PTPRN2: variants seen among roughly 807,000 people sequenced by gnomAD.
PTPRN2 encodes protein tyrosine phosphatase receptor type N2.
A neutral mutation model predicts 118.8 loss-of-function variants in PTPRN2; 74 were observed. The ratio of observed to expected loss-of-function variants is 0.62; its 90% CI spans 0.52 to 0.76. The LOEUF (loss-of-function observed/expected upper bound fraction) is 0.76. PTPRN2 is among the 30% of genes least tolerant of loss of function. The pLI is 0.00. For missense variants in PTPRN2, 1,481 were observed against 1,394.4 expected, an observed-to-expected ratio of 1.06 and a Z score of -0.99; for synonymous variants, 641 against 608.0, an observed-to-expected ratio of 1.05 and a Z score of -0.80.
chr7:157,815,079 C>A (rs1022737773), intron 12 of PTPRN2, among the ~76,000 whole-genome samples: 2 of 152,212 alleles, frequency 1.3e-5, no homozygotes, highest in Non-Finnish European at 2.9e-5. Flanking sequence ...GGGAGCAGCG[C>A]GGGAGGCAGT....
At chr7:158,193,178 G>A (rs1478680673) in intron 4 of PTPRN2, among the ~76,000 whole-genome samples, 1 of 152,214 alleles carries the variant, frequency 6.6e-6, no homozygotes, top group African/African-American at 2.4e-5. Context: ...AGACACATGT[G>A]GTGCCCACCC....
chr7:158,169,939 G>C (rs544142159), intron 5 of PTPRN2, among the ~76,000 whole-genome samples: 6 of 152,216 alleles, frequency 3.9e-5, no homozygotes, highest in African/African-American at 1.4e-4. Flanking sequence ...TGATGGGCCT[G>C]CCTTAGCCTC....
rs972150662 is a variant in PTPRN2 at position 157,974,721 on chromosome 7, C to T, written c.1724-75984G>A. On this transcript the variant is annotated intron_variant, in intron 11 of 22. Coordinates refer to ENST00000389418, the MANE Select transcript of PTPRN2 (RefSeq NM_002847.5). This position sits in a 1 kb window ranked among gnomAD's most constrained non-coding sequence, Gnocchi z 4.0. ...CCATGGGAAGACACAGGTAGCGGGT[C>T]AGGTGCTGGGGAGGTGTTGCTGGGC... Among the ~76,000 whole-genome samples the T allele has an allele frequency of 1.3e-5, 2 of 151,736 alleles. No homozygotes were observed. The highest frequency in any genetic ancestry group is 2.9e-5 in the Non-Finnish European group (2 of 67,948).
chr7:157,856,619 G>T (rs886115746), intron 12 of PTPRN2, among the ~76,000 whole-genome samples: 2 of 152,142 alleles, frequency 1.3e-5, no homozygotes, highest in Non-Finnish European at 2.9e-5. Context: ...TAGTGCAAAG[G>T]TCTCATTTTT....
intron 1 of PTPRN2, among the ~76,000 whole-genome samples, chr7:158,538,549 C>T (rs1825785441): frequency 6.6e-6 from 1 of 152,154 alleles, no homozygotes; most frequent in South Asian, 2.1e-4. Context: ...CCAGCCGTCA[C>T]ACATGGCGTC....
In PTPRN2 at chr7:158,511,692, C is replaced by T. The variant is rs570672396; in HGVS notation, c.113-21907G>A. On this transcript the variant is annotated intron_variant, in intron 1 of 22. Coordinates refer to ENST00000389418, the MANE Select transcript of PTPRN2 (RefSeq NM_002847.5). ...GGCTAAGCGTCATGTCCCCGCACAC[C>T]CCTGGGCACCAGTGCAAGACACGGT... 4.7e-4 allele frequency among the ~76,000 whole-genome samples: 71 copies of T among 152,344 alleles called. 2 individuals are homozygous for T. The South Asian group carries it at 0.014, about 30-fold the overall frequency.
intron 11 of PTPRN2, among the ~76,000 whole-genome samples, chr7:157,981,878 C>T (rs529203526): frequency 8.5e-5 from 13 of 152,404 alleles, no homozygotes; most frequent in East Asian, 3.8e-4. Context: ...GCAGCCCTTA[C>T]GCCAGGTGCC....
chr7:157,772,224 G>C (rs1802893856), intron 12 of PTPRN2, among the ~76,000 whole-genome samples: 1 of 146,668 alleles, frequency 6.8e-6, no homozygotes, highest in Non-Finnish European at 1.5e-5. Context: ...CATAGACACA[G>C]ACACACACAC....
At chr7:157,695,729 T>G (rs914007408) in intron 12 of PTPRN2, among the ~76,000 whole-genome samples, 1 of 152,230 alleles carries the variant, frequency 6.6e-6, no homozygotes, top group African/African-American at 2.4e-5. Flanking sequence ...AGGACAATAT[T>G]TGGAAGAGCA....
chr7:158,147,882 C>A (rs71267150), intron 6 of PTPRN2, among the ~76,000 whole-genome samples: 3 of 131,198 alleles, frequency 2.3e-5, no homozygotes, highest in South Asian at 2.7e-4. Flanking sequence ...CCCCATCTCA[C>A]GCCACGTGTC....
At chr7:157,832,174 C>T (rs1457708046) in intron 12 of PTPRN2, among the ~76,000 whole-genome samples, 1 of 152,242 alleles carries the variant, frequency 6.6e-6, no homozygotes, top group Non-Finnish European at 1.5e-5. Context: ...AGGACTCGAG[C>T]TCTGTGTTAA....
At chr7:157,795,162 G>A (rs1328579678) in intron 12 of PTPRN2, among the ~76,000 whole-genome samples, 3 of 143,980 alleles carry the variant, frequency 2.1e-5, no homozygotes, top group Non-Finnish European at 4.5e-5. Flanking sequence ...CGGCGGGGTC[G>A]GGGGCGGGGG....
At chr7:158,098,471 A>C (rs1182400281) in intron 10 of PTPRN2, among the ~76,000 whole-genome samples, 5 of 152,218 alleles carry the variant, frequency 3.3e-5, no homozygotes, top group Non-Finnish European at 7.4e-5. Flanking sequence ...GGCAAAGCCC[A>C]GCCCTGCTCC....
At chr7:158,157,037 C>A (rs1346126818) in intron 6 of PTPRN2, among the ~76,000 whole-genome samples, 5 of 151,500 alleles carry the variant, frequency 3.3e-5, no homozygotes, top group Non-Finnish European at 7.4e-5. Context: ...AAGGCCTACC[C>A]ATTGTGCTTA....
chr7:157,873,665 T>C (rs58971481), intron 12 of PTPRN2, among the ~76,000 whole-genome samples: 28 of 113,542 alleles, frequency 2.5e-4, no homozygotes, highest in African/African-American at 4.5e-4. Flanking sequence ...GAGAACGTAC[T>C]GTCCTCAAGG....
At chr7:157,680,611 C>T (rs1406592489) in intron 13 of PTPRN2, among the ~76,000 whole-genome samples, 1 of 152,208 alleles carries the variant, frequency 6.6e-6, no homozygotes, top group Admixed American at 6.5e-5. Flanking sequence ...AAACACAAAT[C>T]ACAACAACAC....
chr7:158,439,012 T>C (rs1816779475), intron 2 of PTPRN2, among the ~76,000 whole-genome samples: 1 of 152,194 alleles, frequency 6.6e-6, no homozygotes, highest in Non-Finnish European at 1.5e-5. Context: ...AAAATGCAGA[T>C]TCACTGAGCC....
chr7:157,890,598 C>T (rs1404138349), intron 12 of PTPRN2, among the ~76,000 whole-genome samples: 6 of 152,168 alleles, frequency 3.9e-5, no homozygotes, highest in African/African-American at 7.2e-5. Flanking sequence ...GCTGAGATTG[C>T]GCCACTGCAC....
chr7:157,681,994 C>T (rs776823659), intron 13 of PTPRN2, among the ~76,000 whole-genome samples: 46 of 152,206 alleles, frequency 3.0e-4, no homozygotes, highest in African/African-American at 6.8e-4. Context: ...AGGAATCAAA[C>T]GCCTTGACTG....
Sources: gnomAD v4.1 joint callset for allele counts (sites outside exome capture counted in the v4.1 genomes callset) on GRCh38, gnomAD v4.1.1 for gene constraint, Gnocchi (gnomAD v3.1) non-coding constraint, MANE v1.5 for transcripts, NCBI Gene and HGNC (gene_info 2026-07-23, HGNC 2026-07-21) for gene names.